COL22A1: variants seen among roughly 807,000 people sequenced by gnomAD.
COL22A1 encodes collagen type XXII alpha 1 chain.
A neutral mutation model predicts 248.9 loss-of-function variants in COL22A1; 221 were observed. The observed-to-expected ratio is 0.89, with a 90% confidence interval of 0.80 to 0.99. The LOEUF is 0.99. COL22A1 is among the 50% of genes least tolerant of loss of function. The pLI, the probability that COL22A1 is intolerant of heterozygous loss-of-function variation, is 0.00. For synonymous variants in COL22A1, 891 were observed against 793.4 expected (o/e 1.12, Z -2.07); for missense variants, 2,240 against 2,179.0 (o/e 1.03, Z -0.56).
intron 18 of COL22A1, among the ~76,000 whole-genome samples, chr8:138,758,008 C>T (rs376323631): frequency 2.0e-5 from 3 of 152,180 alleles, no homozygotes; most frequent in Admixed American, 2.0e-4. Context: ...TTCCAAGATT[C>T]GGTGATAAAA....
At chr8:138,671,742 C>T (rs914449111) in intron 41 of COL22A1, among the ~76,000 whole-genome samples, 1 of 152,236 alleles carries the variant, frequency 6.6e-6, no homozygotes, top group Non-Finnish European at 1.5e-5. Flanking sequence ...GTACCTTACA[C>T]TGAGGTCTGC....
chr8:138,909,685 A>G (rs1815298759), intron 1 of COL22A1, among the ~76,000 whole-genome samples: 1 of 152,204 alleles, frequency 6.6e-6, no homozygotes, highest in South Asian at 2.1e-4. Context: ...GGACAGCAAG[A>G]GGGAGGTAGC....
chr8:138,818,212 G>C (rs1448490058), intron 7 of COL22A1, among the ~76,000 whole-genome samples: 2 of 152,138 alleles, frequency 1.3e-5, no homozygotes, highest in South Asian at 4.1e-4. Context: ...AGCTCAGAGG[G>C]TATCTGCTTC....
At chr8:138,615,915 C>T (rs1485393184) in intron 55 of COL22A1, 86 bp downstream of exon 55, 2 of 952,244 alleles carry the variant, frequency 2.1e-6, no homozygotes, top group African/African-American at 1.6e-5. Flanking sequence ...TGCCACCAGC[C>T]ATTGTGGGGC....
At chr8:138,597,946 G>A (rs1445543469) in intron 61 of COL22A1, among the ~76,000 whole-genome samples, 1 of 152,124 alleles carries the variant, frequency 6.6e-6, no homozygotes, top group Non-Finnish European at 1.5e-5. Context: ...CAGCCACCAG[G>A]AACTGACGCG....
At chr8:138,846,063 C>A (rs1223119292) in intron 3 of COL22A1, among the ~76,000 whole-genome samples, 1 of 152,084 alleles carries the variant, frequency 6.6e-6, no homozygotes, top group Non-Finnish European at 1.5e-5. Flanking sequence ...TCAAAGGCAC[C>A]ACCAGGTCTG....
intron 47 of COL22A1, among the ~76,000 whole-genome samples, chr8:138,640,250 T>C (rs1258446883): frequency 6.6e-6 from 1 of 152,204 alleles, no homozygotes; most frequent in Non-Finnish European, 1.5e-5. Flanking sequence ...TCCAGAACCA[T>C]CATGTGCTAA....
At position 138,693,714 on chromosome 8, in the gene COL22A1, A is replaced by C; in HGVS notation, c.2701-15T>G. The C allele has an allele frequency of 6.4e-7, 1 of 1,562,566 alleles. No individual in the cohort carries two copies. Among genetic ancestry groups the C allele is most frequent in the Non-Finnish European group, 8.7e-7 (1 of 1,152,964 alleles). ...CCCTTGGCACCCTGCACAGGAAATAAAAGAGGGGCGGGGGTAAGACACCCT... is the reference window on the plus strand; with the variant it reads ...CCCTTGGCACCCTGCACAGGAAATACAAGAGGGGCGGGGGTAAGACACCCT... On this transcript the variant is annotated splice_polypyrimidine_tract_variant and intron_variant, in intron 34 of 64. Transcript: ENST00000303045.
chr8:138,605,149 G>A (rs903413783), intron 58 of COL22A1, among the ~76,000 whole-genome samples: 4 of 152,114 alleles, frequency 2.6e-5, no homozygotes, highest in East Asian at 1.9e-4. Context: ...TTCAATTCTT[G>A]GCTCCTCCAC....
intron 62 of COL22A1, among the ~76,000 whole-genome samples, chr8:138,594,516 C>G (rs748886025): frequency 3.9e-5 from 6 of 152,210 alleles, no homozygotes; most frequent in Non-Finnish European, 4.4e-5. Flanking sequence ...GATCCCAGGA[C>G]AGCCACGGAC....
chr8:138,699,482 A>G (rs960650341), intron 32 of COL22A1, among the ~76,000 whole-genome samples: 1 of 152,260 alleles, frequency 6.6e-6, no homozygotes, highest in African/African-American at 2.4e-5. Flanking sequence ...TTCTGGCTTC[A>G]GCCTACAGCA....
At chr8:138,726,262 C>T (rs896339395) in intron 23 of COL22A1, among the ~76,000 whole-genome samples, 1 of 151,852 alleles carries the variant, frequency 6.6e-6, no homozygotes, top group Admixed American at 6.6e-5. Flanking sequence ...AAGGCTGAGG[C>T]AAAAGGATCA....
intron 4 of COL22A1, among the ~76,000 whole-genome samples, chr8:138,836,070 A>C (rs2131833985): frequency 6.6e-6 from 1 of 152,324 alleles, no homozygotes. Context: ...CAGGAGGTCA[A>C]GACCAGCCTG....
At chr8:138,721,140 GA>G (rs1298023121) in intron 26 of COL22A1, among the ~76,000 whole-genome samples, 3 of 152,112 alleles carry the variant, frequency 2.0e-5, no homozygotes, top group South Asian at 4.1e-4. Context: ...AGACGGGAAA[GA>G]AAAAAATTCA....
chr8:138,631,761 G>T (rs921018379), intron 49 of COL22A1, among the ~76,000 whole-genome samples: 2 of 152,028 alleles, frequency 1.3e-5, no homozygotes, highest in Non-Finnish European at 2.9e-5. Context: ...AAGGTTTTCT[G>T]CCTACCAGAC....
chr8:138,809,060 T>C (rs1001556914), intron 9 of COL22A1, among the ~76,000 whole-genome samples: 1 of 119,026 alleles, frequency 8.4e-6, no homozygotes, highest in Non-Finnish European at 1.9e-5. Context: ...AGGCCCCCTG[T>C]GTTGTATTTT....
chr8:138,745,218 G>A (rs1309545948), intron 22 of COL22A1, among the ~76,000 whole-genome samples: 1 of 150,478 alleles, frequency 6.6e-6, no homozygotes, highest in Non-Finnish European at 1.5e-5. Context: ...TTCCAGAGAA[G>A]ATGAAAGATG....
chr8:138,755,759 C>T (rs772882450), intron 19 of COL22A1, 26 bp downstream of exon 19: 2 of 1,613,066 alleles, frequency 1.2e-6, no homozygotes, highest in East Asian at 2.2e-5. Flanking sequence ...CACCTGCATC[C>T]ATGATTCCAA....
Position 138,809,528 on chromosome 8 carries a change from C to CTTTTTTTTTTTTTTTTTTTTTTTT in COL22A1, c.1450-1717_1450-1716insAAAAAAAAAAAAAAAAAAAAAAAA, listed in dbSNP as rs71518485. On this transcript the variant is annotated intron_variant, in intron 9 of 64. Transcript: ENST00000303045. ...TTTCTTCTTCTCTTTTTTTCTTTTT[C>CTTTTTTTTTTTTTTTTTTTTTTTT]TTTTTTTTTTGAGACAGAGTCTCAC... Among the ~76,000 whole-genome samples, 63 of 117,648 alleles carry CTTTTTTTTTTTTTTTTTTTTTTTT rather than the reference C, an allele frequency of 5.4e-4. 4 individuals are homozygous for CTTTTTTTTTTTTTTTTTTTTTTTT. The highest frequency in any genetic ancestry group is 1.0e-3 in the African/African-American group (31 of 30,166). 77.2% of individuals were successfully genotyped at this position (117,648 alleles called of 152,430 possible).
Sources: gnomAD v4.1 joint callset for allele counts (sites outside exome capture counted in the v4.1 genomes callset) on GRCh38, gnomAD v4.1.1 for gene constraint, MANE v1.5 for transcripts, NCBI Gene and HGNC (gene_info 2026-07-23, HGNC 2026-07-21) for gene names.